EXOC2: variants seen among roughly 807,000 people sequenced by gnomAD.
EXOC2 encodes SEC5-like 1.
A neutral mutation model predicts 131.8 loss-of-function variants in EXOC2; 70 were observed. The ratio of observed to expected loss-of-function variants is 0.53; its 90% CI spans 0.44 to 0.65. The LOEUF (loss-of-function observed/expected upper bound fraction) is 0.65, where lower values mean the gene tolerates loss of function less well. EXOC2 is among the 30% of genes least tolerant of loss of function. The pLI is 0.00. For synonymous variants in EXOC2, 411 were observed against 398.4 expected (o/e 1.03, Z -0.38); for missense variants, 923 against 1,108.6 (o/e 0.83, Z 2.38).
At chr6:563,296 C>T (rs1479536458) in intron 16 of EXOC2, among the ~76,000 whole-genome samples, 1 of 152,168 alleles carries the variant, frequency 6.6e-6, no homozygotes, top group Non-Finnish European at 1.5e-5. Context: ...CCTGCTCAAA[C>T]CTTCGGCCTT....
intron 1 of EXOC2, among the ~76,000 whole-genome samples, chr6:643,688 C>T (rs1440917434): frequency 6.6e-6 from 1 of 150,442 alleles, no homozygotes; most frequent in Non-Finnish European, 1.5e-5. Flanking sequence ...AGCAGAATGA[C>T]AGAAATAGGA....
At chr6:639,646 G>A (rs1001718062) in intron 1 of EXOC2, among the ~76,000 whole-genome samples, 7 of 152,218 alleles carry the variant, frequency 4.6e-5, no homozygotes, top group Non-Finnish European at 8.8e-5. Flanking sequence ...AAAAAGGGAA[G>A]GGCCGCTTGC....
At chr6:660,254 G>A (rs1763363749) in intron 1 of EXOC2, among the ~76,000 whole-genome samples, 1 of 148,554 alleles carries the variant, frequency 6.7e-6, no homozygotes, top group South Asian at 2.1e-4. Flanking sequence ...GGAGTTCTAG[G>A]GCCCCGCCCA....
intron 22 of EXOC2, among the ~76,000 whole-genome samples, chr6:546,231 A>G (rs1041607590): frequency 3.3e-5 from 5 of 152,140 alleles, no homozygotes; most frequent in African/African-American, 7.2e-5. Flanking sequence ...CCAGGACTTG[A>G]GCAAAAGCTA....
At chr6:526,882 T>C (rs1765778911) in intron 23 of EXOC2, among the ~76,000 whole-genome samples, 1 of 152,200 alleles carries the variant, frequency 6.6e-6, no homozygotes, top group African/African-American at 2.4e-5. Context: ...CTTAACTTCT[T>C]TGTGCTCAGT....
chr6:656,973 T>A, intron 1 of EXOC2: 2 of 1,485,088 alleles, frequency 1.3e-6, no homozygotes, highest in Middle Eastern at 1.9e-4. Context: ...GCTGGGGGCC[T>A]CTGAGGGGGA....
At chr6:613,356 G>A (rs373651133) in intron 6 of EXOC2, among the ~76,000 whole-genome samples, 1 of 152,166 alleles carries the variant, frequency 6.6e-6, no homozygotes, top group Non-Finnish European at 1.5e-5. Flanking sequence ...ATGGAATACC[G>A]GGTTGGGATG....
intron 11 of EXOC2, among the ~76,000 whole-genome samples, chr6:585,367 AG>A (rs1459082419): frequency 1.3e-5 from 2 of 152,138 alleles, no homozygotes; most frequent in East Asian, 3.8e-4. Flanking sequence ...GTGAGGTGCA[AG>A]GGTGAGCTCC....
At chr6:610,000 C>T in intron 7 of EXOC2, 98 bp downstream of exon 7, 1 of 935,234 alleles carries the variant, frequency 1.1e-6, no homozygotes, top group South Asian at 1.6e-5. Context: ...TAGTAAAATG[C>T]AACTTACTGC....
chr6:650,068 T>C (rs1310639418), intron 1 of EXOC2, among the ~76,000 whole-genome samples: 2 of 152,200 alleles, frequency 1.3e-5, no homozygotes, highest in Non-Finnish European at 2.9e-5. Flanking sequence ...AAGGACAAAA[T>C]GACAATGCCC....
chr6:530,459 T>C (rs2473479), intron 23 of EXOC2, among the ~76,000 whole-genome samples: 45,925 of 152,128 alleles, frequency 0.3, 8,283 homozygotes, highest in African/African-American at 0.51. Flanking sequence ...CGACAAAACA[T>C]TTCCCGCGGG....
chr6:654,027 G>A (rs1453301574), intron 1 of EXOC2, among the ~76,000 whole-genome samples: 1 of 152,190 alleles, frequency 6.6e-6, no homozygotes, highest in South Asian at 2.1e-4. Context: ...ACAGCATCTG[G>A]TTTAGTGAAT....
intron 1 of EXOC2, among the ~76,000 whole-genome samples, chr6:685,765 T>C (rs1280185543): frequency 3.3e-5 from 5 of 152,034 alleles, no homozygotes; most frequent in Non-Finnish European, 5.9e-5. Context: ...TGTATAGAGT[T>C]ACGGCCTGAT....
chr6:526,021 T>C (rs1765714423), intron 23 of EXOC2, among the ~76,000 whole-genome samples: 1 of 152,240 alleles, frequency 6.6e-6, no homozygotes, highest in South Asian at 2.1e-4. Flanking sequence ...TATTAAAAAA[T>C]GTTTCAATAA....
chr6:495,493 T>C (rs1581295033), intron 25 of EXOC2, among the ~76,000 whole-genome samples: 1 of 152,208 alleles, frequency 6.6e-6, no homozygotes, highest in African/African-American at 2.4e-5. Context: ...TTTTGTAACA[T>C]TTATACAACA....
chr6:598,010 A>G lies in EXOC2; in HGVS notation c.1073+11T>C, dbSNP rs755464751. 6.3e-7 allele frequency: 1 copy of G among 1,596,936 alleles called. No homozygotes were observed. Among genetic ancestry groups the G allele is most frequent in the African/African-American group, 1.3e-5 (1 of 74,638 alleles). ...ACATGTGATTCAACAAAATGTTTGCAGAAGATTTACCTTATGTAACGTTTT... is the reference window on the plus strand; with the variant it reads ...ACATGTGATTCAACAAAATGTTTGCGGAAGATTTACCTTATGTAACGTTTT... On this transcript the variant is annotated intron_variant, in intron 10 of 27. Coordinates refer to ENST00000230449, the MANE Select transcript of EXOC2 (RefSeq NM_018303.6).
At chr6:608,554 GA>G (rs1053273452) in intron 7 of EXOC2, among the ~76,000 whole-genome samples, 1 of 151,056 alleles carries the variant, frequency 6.6e-6, no homozygotes, top group Non-Finnish European at 1.5e-5. Flanking sequence ...CACTTTTCTG[GA>G]AAAAAAAATT....
chr6:593,202 A>T (rs768176517), intron 10 of EXOC2, among the ~76,000 whole-genome samples: 4 of 152,238 alleles, frequency 2.6e-5, no homozygotes, highest in Non-Finnish European at 4.4e-5. Flanking sequence ...TTTAGTTCAC[A>T]GGAGTTTTTC....
chr6:540,749 T>C (rs1254260460), intron 22 of EXOC2, among the ~76,000 whole-genome samples: 1 of 152,054 alleles, frequency 6.6e-6, no homozygotes, highest in African/African-American at 2.4e-5. Flanking sequence ...AGAAAAAATA[T>C]TTGAAGAGAT....
Sources: gnomAD v4.1 joint callset for allele counts (sites outside exome capture counted in the v4.1 genomes callset) on GRCh38, gnomAD v4.1.1 for gene constraint, MANE v1.5 for transcripts, NCBI Gene and HGNC (gene_info 2026-07-23, HGNC 2026-07-21) for gene names.